The following AKAP6 variants were observed in gnomAD, a reference collection of about 807,000 sequenced individuals.
AKAP6 encodes the protein A-kinase anchor protein 6.
A neutral mutation model predicts 188.5 loss-of-function variants in AKAP6; 58 were observed. The ratio of observed to expected loss-of-function variants is 0.31; its 90% confidence interval spans 0.25 to 0.38. The LOEUF (loss-of-function observed/expected upper bound fraction) is 0.38. Ranked by LOEUF, AKAP6 falls within the 10% of genes least tolerant of loss-of-function variation. The probability of loss-of-function intolerance (pLI) is 1.00; values close to 1 mark genes in which losing one functional copy is unlikely to be tolerated. For synonymous variants in AKAP6, 989 were observed against 998.6 expected (o/e 0.99, Z 0.18); for missense variants, 2,710 against 2,740.0 (o/e 0.99, Z 0.24).
In AKAP6 at chr14:32,735,532, C is replaced by T. The variant is rs150113653; in HGVS notation, c.3148-126C>T. Reference sequence around the variant, plus strand: ...TAGATGGACTCTTCCAGGTGGCTCTCGTTACCAACAAAACTGTGGTGTGTT... The same window carrying T: ...TAGATGGACTCTTCCAGGTGGCTCTTGTTACCAACAAAACTGTGGTGTGTT... On this transcript the variant is annotated intron_variant, in intron 10 of 13. Coordinates refer to ENST00000280979, the MANE Select transcript of AKAP6 (RefSeq NM_004274.5). 2.1e-3 allele frequency: 1,410 copies of T among 674,994 alleles called. 23 individuals are homozygous for T. Among genetic ancestry groups the T allele is most frequent in the South Asian group, 0.015 (759 of 48,986 alleles). The allele number at this position is 674,994 out of a possible 1,614,324, so 41.8% of individuals were successfully genotyped here.
intron 7 of AKAP6, among the ~76,000 whole-genome samples, chr14:32,648,523 G>A (rs748590081): frequency 1.3e-5 from 2 of 152,114 alleles, no homozygotes; most frequent in Non-Finnish European, 1.5e-5. Context: ...CTGATGTTTA[G>A]TGAAAATGGT....
intron 1 of AKAP6, among the ~76,000 whole-genome samples, chr14:32,387,482 A>G (rs1244558220): frequency 6.8e-6 from 1 of 147,748 alleles, no homozygotes; most frequent in Non-Finnish European, 1.5e-5. Context: ...TTATTTTATT[A>G]TTATATTTTA....
intron 8 of AKAP6, among the ~76,000 whole-genome samples, chr14:32,687,603 C>T (rs1244212342): frequency 1.3e-5 from 2 of 152,004 alleles, no homozygotes. Flanking sequence ...TTATGTGTGC[C>T]AATGTTGATA....
intron 2 of AKAP6, among the ~76,000 whole-genome samples, chr14:32,454,837 TTCCCTCCCTCCCTCCTTCCCTCCCTCCC>T (rs1566512644): frequency 1.2e-4 from 1 of 8,408 alleles, no homozygotes; most frequent in Non-Finnish European, 2.0e-4. Context: ...CCTTCTCTCC[TTCCCTCCCTCCCTCCTTCCCTCCCTCCC>T]TCCCTCCCTC....
At chr14:32,638,551 G>A (rs1175527055) in intron 7 of AKAP6, among the ~76,000 whole-genome samples, 1 of 152,058 alleles carries the variant, frequency 6.6e-6, no homozygotes, top group Admixed American at 6.6e-5. Context: ...AATTGTTTTT[G>A]TTAAATAACT....
intron 1 of AKAP6, among the ~76,000 whole-genome samples, chr14:32,378,049 A>G (rs889755358): frequency 6.6e-6 from 1 of 152,184 alleles, no homozygotes; most frequent in Admixed American, 6.5e-5. Flanking sequence ...CTTGAGAATC[A>G]GATCTGGCTG....
chr14:32,354,013 C>T (rs1288310366), intron 1 of AKAP6, among the ~76,000 whole-genome samples: 32 of 152,186 alleles, frequency 2.1e-4, no homozygotes, highest in Non-Finnish European at 3.5e-4. Flanking sequence ...GAATCAATAT[C>T]GTGAAAATGG....
At chr14:32,681,683 T>A (rs1005465015) in intron 8 of AKAP6, among the ~76,000 whole-genome samples, 3 of 151,162 alleles carry the variant, frequency 2.0e-5, no homozygotes, top group African/African-American at 7.3e-5. Flanking sequence ...ACAAATTTTT[T>A]TTTTTTTTTT....
At chr14:32,440,497 A>T (rs2138733152) in intron 2 of AKAP6, among the ~76,000 whole-genome samples, 1 of 152,280 alleles carries the variant, frequency 6.6e-6, no homozygotes, top group South Asian at 2.1e-4. Context: ...AACTTGATTT[A>T]ATTAAAACCA....
At chr14:32,810,253 CG>C (rs1221681243) in intron 12 of AKAP6, among the ~76,000 whole-genome samples, 1 of 101,870 alleles carries the variant, frequency 9.8e-6, no homozygotes, top group South Asian at 2.8e-4. Flanking sequence ...CCCTAATGCT[CG>C]TTTTTTTTTT....
At chr14:32,443,641 C>T (rs1594619523) in intron 2 of AKAP6, among the ~76,000 whole-genome samples, 4 of 152,170 alleles carry the variant, frequency 2.6e-5, no homozygotes, top group Admixed American at 2.6e-4. Context: ...TCCAAACAGA[C>T]AGCCAAGGAT....
intron 11 of AKAP6, among the ~76,000 whole-genome samples, chr14:32,764,808 C>T (rs948176025): frequency 6.6e-6 from 1 of 151,634 alleles, no homozygotes; most frequent in African/African-American, 2.4e-5. Flanking sequence ...CATAAATATA[C>T]AAAAAATGTT....
At chr14:32,677,576 A>G (rs1889486362) in intron 7 of AKAP6, among the ~76,000 whole-genome samples, 1 of 152,196 alleles carries the variant, frequency 6.6e-6, no homozygotes, top group Non-Finnish European at 1.5e-5. Flanking sequence ...GTTCTAGGGA[A>G]CCTGAAAGCC....
intron 7 of AKAP6, among the ~76,000 whole-genome samples, chr14:32,648,617 C>T (rs1888079791): frequency 6.6e-6 from 1 of 152,094 alleles, no homozygotes; most frequent in Non-Finnish European, 1.5e-5. Context: ...TAGAAAAGCA[C>T]CCAGGCATGC....
At chr14:32,528,158 T>C (rs1882225201) in intron 2 of AKAP6, among the ~76,000 whole-genome samples, 1 of 152,222 alleles carries the variant, frequency 6.6e-6, no homozygotes, top group Non-Finnish European at 1.5e-5. Flanking sequence ...GGATTATCAT[T>C]ATTATTATTA....
intron 11 of AKAP6, among the ~76,000 whole-genome samples, chr14:32,748,466 A>T (rs560984891): frequency 6.6e-6 from 1 of 152,360 alleles, no homozygotes; most frequent in Admixed American, 6.5e-5. Context: ...AGCAGTCAGC[A>T]TTAGAATTCT....
intron 7 of AKAP6, among the ~76,000 whole-genome samples, chr14:32,614,810 T>C (rs1469649896): frequency 6.6e-6 from 1 of 152,060 alleles, no homozygotes; most frequent in Non-Finnish European, 1.5e-5. Flanking sequence ...AGCTAATTGA[T>C]GCACTTCTGG....
intron 7 of AKAP6, among the ~76,000 whole-genome samples, chr14:32,668,256 A>G (rs371467331): frequency 1.7e-4 from 26 of 152,264 alleles, no homozygotes; most frequent in South Asian, 8.3e-4. Flanking sequence ...TTTTAACTAC[A>G]GGCATTACAA....
At chr14:32,642,529 T>C (rs1887804375) in intron 7 of AKAP6, among the ~76,000 whole-genome samples, 1 of 152,208 alleles carries the variant, frequency 6.6e-6, no homozygotes, top group South Asian at 2.1e-4. Context: ...GATTTATTTT[T>C]TACATAGAGG....
Sources: gnomAD v4.1 joint callset for allele counts (sites outside exome capture counted in the v4.1 genomes callset) on GRCh38, gnomAD v4.1.1 for gene constraint, MANE v1.5 for transcripts, NCBI Gene and HGNC (gene_info 2026-07-23, HGNC 2026-07-21) for gene names.